Variants in DTNB observed in about 807,000 individuals in gnomAD.
The protein encoded by DTNB is DTN-B.
A neutral mutation model predicts 90.7 loss-of-function variants in DTNB; 63 were observed. That is an observed-to-expected ratio of 0.69 (90% confidence interval 0.57 to 0.86). DTNB has a LOEUF of 0.86. DTNB is among the 40% of genes least tolerant of loss of function. The pLI is 0.00. For missense variants in DTNB, 744 were observed against 807.1 expected (o/e 0.92, Z 0.95); for synonymous variants, 277 against 286.7 (o/e 0.97, Z 0.34).
chr2:25,576,235 T>G (rs892523803), intron 8 of DTNB, among the ~76,000 whole-genome samples: 5 of 146,056 alleles, frequency 3.4e-5, no homozygotes, highest in South Asian at 4.4e-4. Flanking sequence ...TTTTTTTTTT[T>G]TTTTTTTTGA....
chr2:25,473,586 G>T (rs185093231), intron 10 of DTNB, among the ~76,000 whole-genome samples: 3 of 152,140 alleles, frequency 2.0e-5, no homozygotes, highest in Non-Finnish European at 2.9e-5. Context: ...GGGTGTGTGC[G>T]CATGTATGCA....
rs1314628861 is a variant in DTNB, at chr2:25,650,045, T to TA, written c.67+2548dup. 3 of 985,310 alleles carry TA rather than the reference T, an allele frequency of 3.0e-6. No individual in the cohort carries two copies. The African/African-American group carries it at 5.2e-5, about 17-fold the overall frequency. The allele number at this position is 985,310 out of a possible 1,614,324, so 61.0% of individuals were successfully genotyped here. On this transcript the variant is annotated intron_variant, in intron 2 of 20. Coordinates refer to ENST00000406818, the MANE Select transcript of DTNB (RefSeq NM_021907.5). ...ACCAAACGTCTCCCAGACTGACTGTTATCCTTAAGTCAGAGGATGATAATT... is the reference window on the plus strand; with the variant it reads ...ACCAAACGTCTCCCAGACTGACTGTTAATCCTTAAGTCAGAGGATGATAATT...
intron 6 of DTNB, among the ~76,000 whole-genome samples, chr2:25,589,651 C>A (rs755538684): frequency 6.6e-6 from 1 of 152,042 alleles, no homozygotes; most frequent in Non-Finnish European, 1.5e-5. Flanking sequence ...GGATTACAGG[C>A]GTGAGCCACC....
rs144144721 is a variant in DTNB at position 25,486,615 on chromosome 2, A to G, written c.1002-3742T>C. ...ACCACTGCACTCCAGCTTGGGCGACAGAGCAAGACCCTGTCTCAAAAAAAA... is the reference window on the plus strand; with the variant it reads ...ACCACTGCACTCCAGCTTGGGCGACGGAGCAAGACCCTGTCTCAAAAAAAA... On this transcript the variant is annotated intron_variant, in intron 9 of 20. Coordinates refer to ENST00000406818, the MANE Select transcript of DTNB (RefSeq NM_021907.5). Among the ~76,000 whole-genome samples, 1,206 of 151,294 alleles carry G rather than the reference A, an allele frequency of 8.0e-3. 14 individuals are homozygous for G. The highest frequency in any genetic ancestry group is 0.028 in the African/African-American group (1,144 of 41,214).
chr2:25,448,680 C>A (rs1456769816), intron 12 of DTNB, among the ~76,000 whole-genome samples: 2 of 151,902 alleles, frequency 1.3e-5, no homozygotes, highest in African/African-American at 2.4e-5. Context: ...CGGTGAAACC[C>A]CATCTCTACT....
chr2:25,589,055 T>A (rs1298060571), intron 6 of DTNB, among the ~76,000 whole-genome samples: 1 of 152,200 alleles, frequency 6.6e-6, no homozygotes, highest in Non-Finnish European at 1.5e-5. Flanking sequence ...CCAAAAGACA[T>A]CTCACTTCAA....
At chr2:25,668,761 T>C (rs2085113629) in intron 1 of DTNB, among the ~76,000 whole-genome samples, 1 of 152,236 alleles carries the variant, frequency 6.6e-6, no homozygotes, top group African/African-American at 2.4e-5. Context: ...ACTGTATTAC[T>C]GACAATTGCA....
At chr2:25,448,166 G>T (rs535484188) in intron 12 of DTNB, among the ~76,000 whole-genome samples, 2 of 152,244 alleles carry the variant, frequency 1.3e-5, no homozygotes, top group South Asian at 4.1e-4. Context: ...TTCCTCCACT[G>T]CACATAATAA....
chr2:25,663,286 C>T (rs1176533521), intron 1 of DTNB, among the ~76,000 whole-genome samples: 1 of 152,106 alleles, frequency 6.6e-6, no homozygotes, highest in South Asian at 2.1e-4. Context: ...TGTGTATGTG[C>T]CATATTTTCT....
chr2:25,496,686 T>C (rs1448166037), intron 9 of DTNB, among the ~76,000 whole-genome samples: 2 of 151,858 alleles, frequency 1.3e-5, no homozygotes, highest in African/African-American at 2.4e-5. Context: ...CTACTAAAAA[T>C]ACAAAAATTA....
At position 25,577,013 on chromosome 2, in the gene DTNB, C is replaced by G. The variant is rs748674869; in HGVS notation, c.710-9G>C. The G allele has an allele frequency of 1.3e-6, 2 of 1,589,280 alleles. No homozygotes were observed. Among genetic ancestry groups the G allele is most frequent in the Non-Finnish European group, 1.7e-6 (2 of 1,167,054 alleles). On this transcript the variant is annotated splice_polypyrimidine_tract_variant and intron_variant, in intron 7 of 20. Transcript: ENST00000406818. The stretch of plus-strand genomic sequence containing the variant: ...CTCCACGGGATGGAAGACTTGTGGA[C>G]AGGAGAGAAAAGGGGAGAAAAAAGG...
intron 16 of DTNB, among the ~76,000 whole-genome samples, chr2:25,405,412 G>C (rs905232117): frequency 4.6e-5 from 7 of 152,058 alleles, no homozygotes; most frequent in Admixed American, 2.0e-4. Context: ...GTGGCTGCGG[G>C]CACCTGTAAT....
chr2:25,490,251 G>A (rs1484902273), intron 9 of DTNB, among the ~76,000 whole-genome samples: 1 of 152,080 alleles, frequency 6.6e-6, no homozygotes, highest in African/African-American at 2.4e-5. Context: ...ACTTCAGCCT[G>A]GGTGACAGAG....
At chr2:25,647,199 A>G (rs1055433578) in intron 2 of DTNB, among the ~76,000 whole-genome samples, 1 of 152,228 alleles carries the variant, frequency 6.6e-6, no homozygotes, top group Non-Finnish European at 1.5e-5. Context: ...TAACTACACA[A>G]TGACAAAGGA....
intron 9 of DTNB, among the ~76,000 whole-genome samples, chr2:25,524,700 T>C (rs945228590): frequency 6.6e-6 from 1 of 152,040 alleles, no homozygotes; most frequent in Non-Finnish European, 1.5e-5. Context: ...TACGCTTTCT[T>C]CCCCTGCTGC....
chr2:25,558,088 G>T, intron 8 of DTNB: 1 of 526,210 alleles, frequency 1.9e-6, no homozygotes, highest in Non-Finnish European at 2.4e-6. Context: ...GGGAGCACAG[G>T]ATCTGGCTCA....
rs147861559 is a variant in DTNB, at chr2:25,383,776, G to A, written c.1879+60C>T. On this transcript the variant is annotated intron_variant, in intron 19 of 20. Coordinates refer to ENST00000406818, the MANE Select transcript of DTNB (RefSeq NM_021907.5). ...GGAATGCAGAAACAAAGTGGGGGGCGGCTGATCCATGAGCTCGGGCTCCCC... is the reference window on the plus strand; with the variant it reads ...GGAATGCAGAAACAAAGTGGGGGGCAGCTGATCCATGAGCTCGGGCTCCCC... The A allele has an allele frequency of 3.9e-3, 6,318 of 1,613,792 alleles. 23 individuals are homozygous for A. The highest frequency in any genetic ancestry group is 8.4e-3 in the Middle Eastern group (51 of 6,054).
chr2:25,670,156 G>GA (rs752037365), intron 1 of DTNB, among the ~76,000 whole-genome samples: 7 of 152,156 alleles, frequency 4.6e-5, no homozygotes, highest in Non-Finnish European at 1.0e-4. Flanking sequence ...GTTCCAACAT[G>GA]AAAAAATCTC....
chr2:25,474,834 T>C (rs1340024406), intron 10 of DTNB, among the ~76,000 whole-genome samples: 5 of 152,226 alleles, frequency 3.3e-5, no homozygotes, highest in Admixed American at 2.6e-4. Flanking sequence ...TTCAAACTTC[T>C]CCATTATTAT....
Sources: gnomAD v4.1 joint callset for allele counts (sites outside exome capture counted in the v4.1 genomes callset) on GRCh38, gnomAD v4.1.1 for gene constraint, MANE v1.5 for transcripts, NCBI Gene and HGNC (gene_info 2026-07-23, HGNC 2026-07-21) for gene names.